GRK5: variants seen among roughly 807,000 people sequenced by gnomAD.
GRK5 encodes the protein g protein-coupled receptor kinase GRK5.
GRK5 carries 40 observed loss-of-function variants against 78.4 expected under a neutral mutation model. The ratio of observed to expected loss-of-function variants is 0.51; its 90% confidence interval spans 0.40 to 0.66. The LOEUF (loss-of-function observed/expected upper bound fraction) is 0.66, where lower values mean the gene tolerates loss of function less well. Among genes scored for constraint, GRK5 ranks in the 30% least tolerant of loss-of-function variants. The pLI, the probability that GRK5 is intolerant of heterozygous loss-of-function variation, is 0.00. For synonymous variants in GRK5, 289 were observed against 296.8 expected (o/e 0.97, Z 0.27); for missense variants, 598 against 759.9 (o/e 0.79, Z 2.50).
intron 2 of GRK5, among the ~76,000 whole-genome samples, chr10:119,347,940 G>C (rs1170180930): frequency 6.6e-6 from 1 of 152,226 alleles, no homozygotes; most frequent in African/African-American, 2.4e-5. Context: ...CTCCTCCAGT[G>C]ACCACCCCCC....
intron 1 of GRK5, among the ~76,000 whole-genome samples, chr10:119,279,748 C>G (rs1849730416): frequency 6.6e-6 from 1 of 152,260 alleles, no homozygotes; most frequent in Admixed American, 6.5e-5. Flanking sequence ...GATGTGCGTG[C>G]CAGTAACTGC....
At chr10:119,363,581 ACT>A (rs1851399222) in intron 2 of GRK5, among the ~76,000 whole-genome samples, 2 of 151,480 alleles carry the variant, frequency 1.3e-5, no homozygotes, top group Admixed American at 6.6e-5. Context: ...TGCTATGGAA[ACT>A]CTGTCTGCAT....
At chr10:119,396,798 C>G in intron 4 of GRK5, 26 bp downstream of exon 4, 1 of 1,561,970 alleles carries the variant, frequency 6.4e-7, no homozygotes, top group Non-Finnish European at 8.8e-7. Flanking sequence ...AACCCCACAG[C>G]AGGTGGCACA....
At chr10:119,258,086 A>G (rs947117980) in intron 1 of GRK5, among the ~76,000 whole-genome samples, 2 of 151,754 alleles carry the variant, frequency 1.3e-5, no homozygotes, top group Admixed American at 1.3e-4. Context: ...TACTTTCATC[A>G]CCCCCTGAAA....
rs556672180 is a variant in GRK5, at chr10:119,240,933, A to G, written c.52+32964A>G. On this transcript the variant is annotated intron_variant, in intron 1 of 15. Transcript: ENST00000392870. ...CAAAAGGACCATGACTGAATGCTGC[A>G]TATCTAGAACATCCAGGAATGCAGA... Among the ~76,000 whole-genome samples the G allele has an allele frequency of 4.6e-5, 7 of 152,340 alleles. No homozygotes were observed. In the East Asian group the frequency reaches 7.7e-4, roughly 17 times the overall value.
intron 2 of GRK5, among the ~76,000 whole-genome samples, chr10:119,357,752 C>T (rs187745731): frequency 9.2e-5 from 14 of 152,250 alleles, no homozygotes; most frequent in South Asian, 6.2e-4. Context: ...GTTCTGCTGC[C>T]TGCATTCTTG....
At chr10:119,335,174 CTCCCCCTCT>C (rs1850857609) in intron 2 of GRK5, among the ~76,000 whole-genome samples, 1 of 137,188 alleles carries the variant, frequency 7.3e-6, no homozygotes, top group Non-Finnish European at 1.5e-5. Flanking sequence ...CTCTCTCTCT[CTCCCCCTCT>C]CCCTCTCCCC....
At chr10:119,434,553 C>A (rs1232873589) in intron 8 of GRK5, among the ~76,000 whole-genome samples, 1 of 152,268 alleles carries the variant, frequency 6.6e-6, no homozygotes, top group Non-Finnish European at 1.5e-5. Flanking sequence ...AAAATGATCT[C>A]TTTGACCTCA....
chr10:119,332,260 C>A (rs1472566757), intron 2 of GRK5, among the ~76,000 whole-genome samples: 1 of 152,094 alleles, frequency 6.6e-6, no homozygotes. Flanking sequence ...ACGTGCACTA[C>A]CATGCCCAGC....
intron 4 of GRK5, among the ~76,000 whole-genome samples, chr10:119,414,018 GT>G (rs1261245723): frequency 6.6e-6 from 1 of 152,164 alleles, no homozygotes; most frequent in African/African-American, 2.4e-5. Context: ...AGAAATGAGG[GT>G]GGCCTCCCAA....
chr10:119,283,315 A>G (rs999588092), intron 1 of GRK5, among the ~76,000 whole-genome samples: 6 of 152,214 alleles, frequency 3.9e-5, no homozygotes, highest in Non-Finnish European at 7.3e-5. Flanking sequence ...CTGCAGCTCA[A>G]CATGGTCACA....
At chr10:119,349,170 G>C (rs2133795938) in intron 2 of GRK5, among the ~76,000 whole-genome samples, 1 of 152,340 alleles carries the variant, frequency 6.6e-6, no homozygotes, top group African/African-American at 2.4e-5. Flanking sequence ...AGAGGCAGGA[G>C]GAAGGAAGGT....
intron 1 of GRK5, among the ~76,000 whole-genome samples, chr10:119,283,426 C>T (rs753305432): frequency 4.6e-5 from 7 of 152,212 alleles, no homozygotes; most frequent in Non-Finnish European, 8.8e-5. Flanking sequence ...CCAAGCCCTG[C>T]AAGTCCTTCT....
At chr10:119,248,785 T>C (rs998707869) in intron 1 of GRK5, among the ~76,000 whole-genome samples, 1 of 152,224 alleles carries the variant, frequency 6.6e-6, no homozygotes, top group African/African-American at 2.4e-5. Flanking sequence ...ACTTGTTTTG[T>C]TGAACAGCAT....
chr10:119,275,611 T>G lies in GRK5; in HGVS notation c.53-50905T>G, dbSNP rs199780376. On this transcript the variant is annotated intron_variant, in intron 1 of 15. Coordinates refer to ENST00000392870, the MANE Select transcript of GRK5 (RefSeq NM_005308.3). ...CGCTCTCTCTCTCTCTCTCTCTCTC[T>G]CGCACACACACACACACACACACAC... Among the ~76,000 whole-genome samples, 532 of 123,940 alleles carry G rather than the reference T, an allele frequency of 4.3e-3. 3 individuals are homozygous for G. Among genetic ancestry groups the G allele is most frequent in the Middle Eastern group, 0.013 (3 of 230 alleles). 81.3% of individuals were successfully genotyped at this position (123,940 alleles called of 152,430 possible).
At chr10:119,376,984 G>A (rs989779615) in intron 2 of GRK5, among the ~76,000 whole-genome samples, 20 of 152,164 alleles carry the variant, frequency 1.3e-4, no homozygotes, top group East Asian at 3.9e-4. Flanking sequence ...ATGCGCGTGC[G>A]TGTGTGTATG....
chr10:119,443,484 G>A, intron 11 of GRK5, 60 bp from the exon 12 acceptor site: 2 of 1,484,992 alleles, frequency 1.3e-6, no homozygotes, highest in Non-Finnish European at 1.8e-6. Context: ...GGCCTTCTGT[G>A]AGCAGCGCCA....
intron 2 of GRK5, among the ~76,000 whole-genome samples, chr10:119,341,097 C>T (rs1010846886): frequency 2.6e-5 from 4 of 152,160 alleles, no homozygotes; most frequent in East Asian, 1.9e-4. Context: ...CCCGATGCCT[C>T]GGCCTCCACA....
chr10:119,277,475 C>T (rs1475448163), intron 1 of GRK5, among the ~76,000 whole-genome samples: 1 of 152,190 alleles, frequency 6.6e-6, no homozygotes, highest in Non-Finnish European at 1.5e-5. Flanking sequence ...ACCCCTCTCC[C>T]CCTCTTCTGC....
Sources: gnomAD v4.1 joint callset for allele counts (sites outside exome capture counted in the v4.1 genomes callset) on GRCh38, gnomAD v4.1.1 for gene constraint, MANE v1.5 for transcripts, NCBI Gene and HGNC (gene_info 2026-07-23, HGNC 2026-07-21) for gene names.